Variants in EPS8L3 observed in about 807,000 individuals in gnomAD.
EPS8L3 encodes epidermal growth factor receptor kinase substrate 8-like protein 3.
Under a neutral mutation model 88.5 loss-of-function variants are expected in EPS8L3, and 80 were observed. The observed-to-expected ratio is 0.90, with a 90% CI of 0.75 to 1.09. The LOEUF (loss-of-function observed/expected upper bound fraction) is 1.09, where lower values mean the gene tolerates loss of function less well. Among genes scored for constraint, EPS8L3 ranks in the 50% least tolerant of loss-of-function variants. The probability of loss-of-function intolerance (pLI) is 0.00; values close to 1 mark genes in which losing one functional copy is unlikely to be tolerated. For missense variants in EPS8L3, 721 were observed against 735.2 expected, an observed-to-expected ratio of 0.98 and a Z score of 0.22; for synonymous variants, 286 against 291.0, an observed-to-expected ratio of 0.98 and a Z score of 0.18.
In EPS8L3 at chr1:109,751,445, A is replaced by G. The variant is rs1649784167; in HGVS notation, c.1564-94T>C. The G allele has an allele frequency of 2.8e-6, 4 of 1,412,200 alleles. No individual in the cohort carries two copies. The Admixed American group carries it at 7.4e-5, about 26-fold the overall frequency. The allele number at this position is 1,412,200 out of a possible 1,614,324, so 87.5% of individuals were successfully genotyped here. A position where few individuals can be genotyped will look rare whatever the true frequency, so the allele number is the denominator to read the frequency against. Reference sequence around the variant, plus strand: ...GGGTCCCTTCTCCAGGTTCCCATCAAATCACTTCTCTTACTCTGTGGCTTT... The same window carrying G: ...GGGTCCCTTCTCCAGGTTCCCATCAGATCACTTCTCTTACTCTGTGGCTTT... On this transcript the variant is annotated intron_variant, in intron 16 of 18. Coordinates refer to ENST00000361965, the MANE Select transcript of EPS8L3 (RefSeq NM_133181.4).
intron 12 of EPS8L3, among the ~76,000 whole-genome samples, chr1:109,753,788 C>T (rs983876867): frequency 1.3e-5 from 2 of 152,164 alleles, no homozygotes; most frequent in African/African-American, 4.8e-5. Flanking sequence ...GAATATTTTC[C>T]ACTTGTCTGC....
intron 8 of EPS8L3, 34 bp from the exon 9 acceptor site, chr1:109,758,092 C>G (rs1393894777): frequency 6.3e-7 from 1 of 1,583,200 alleles, no homozygotes; most frequent in South Asian, 1.1e-5. Context: ...CTTGAACGGG[C>G]AGTTGGGCCC....
At chr1:109,750,826 G>T (rs1364972327) in intron 17 of EPS8L3, 34 bp from the exon 18 acceptor site, 4 of 1,613,052 alleles carry the variant, frequency 2.5e-6, no homozygotes, top group Non-Finnish European at 2.5e-6. Flanking sequence ...ATCCGTGGTG[G>T]GCTGGAAGGA....
chr1:109,761,473 C>A, intron 3 of EPS8L3, 22 bp downstream of exon 3: 1 of 1,600,024 alleles, frequency 6.2e-7, no homozygotes, highest in Non-Finnish European at 8.5e-7. Flanking sequence ...GGACACTGCC[C>A]GGGGGCTGCA....
In EPS8L3 at chr1:109,758,047, G is replaced by A. The variant is rs950386262; in HGVS notation, c.729C>T (p.Asn243=). The change falls in exon 9 of 19, where the codon AAC becomes AAT. Residue 243 remains asparagine, a synonymous_variant. Transcript: ENST00000361965. Reference sequence around the variant, plus strand: ...ACAGCTCAATGTCCCTTAGGACATGGTTCAGCACTTCCTGGGCCCCAAACA... The same window carrying A: ...ACAGCTCAATGTCCCTTAGGACATGATTCAGCACTTCCTGGGCCCCAAACA... The part of the protein sequence containing the change: ...EDPERDEEVL[N]HVLRDIELFM... 25 of 1,613,856 alleles carry A rather than the reference G, an allele frequency of 1.5e-5. No individual in the cohort carries two copies. The highest frequency in any genetic ancestry group is 2.7e-5 in the African/African-American group (2 of 74,910).
At chr1:109,751,407 G>A (rs373017656) in intron 16 of EPS8L3, 56 bp from the exon 17 acceptor site, 24 of 1,548,754 alleles carry the variant, frequency 1.5e-5, no homozygotes, top group East Asian at 9.0e-5. Flanking sequence ...GCCAACCACA[G>A]CCCCTAACAT....
chr1:109,752,666 C>G lies in EPS8L3; in HGVS notation c.1235+20G>C. ...CTCCCTCCCCAGGACCACGCAGTCC[C>G]TATTAAGCTCAGAGCATACCGAAGG... On this transcript the variant is annotated intron_variant, in intron 14 of 18. Coordinates refer to ENST00000361965, the MANE Select transcript of EPS8L3 (RefSeq NM_133181.4). The G allele has an allele frequency of 6.5e-7, 1 of 1,550,204 alleles. No individual in the cohort carries two copies. The highest frequency in any genetic ancestry group is 8.7e-7 in the Non-Finnish European group (1 of 1,145,700).
At position 109,752,673 on chromosome 1, in the gene EPS8L3, G is replaced by T; in HGVS notation, c.1235+13C>A. 1 of 1,550,720 alleles carries T rather than the reference G, an allele frequency of 6.4e-7. No homozygotes were observed. The highest frequency in any genetic ancestry group is 8.7e-7 in the Non-Finnish European group (1 of 1,146,174). On this transcript the variant is annotated intron_variant, in intron 14 of 18. Transcript: ENST00000361965. ...CCCAGGACCACGCAGTCCCTATTAA[G>T]CTCAGAGCATACCGAAGGGAAACAG...
chr1:109,758,686 C>G, intron 6 of EPS8L3, 23 bp from the exon 7 acceptor site: 1 of 1,537,546 alleles, frequency 6.5e-7, no homozygotes, highest in Non-Finnish European at 8.7e-7. Context: ...TGGTAGGGGC[C>G]ACATCTTTGA....
chr1:109,755,897 A>G (rs1052075986), intron 12 of EPS8L3, among the ~76,000 whole-genome samples: 10 of 152,252 alleles, frequency 6.6e-5, no homozygotes, highest in Admixed American at 2.0e-4. Flanking sequence ...CTGCTTTTCT[A>G]AAGCCTTCTC....
rs1029674995 is a variant in EPS8L3 at position 109,759,901 on chromosome 1, G to A, written c.97-65C>T. 34 of 1,549,446 alleles carry A rather than the reference G, an allele frequency of 2.2e-5. No individual in the cohort carries two copies. The South Asian group carries it at 2.8e-4, about 13-fold the overall frequency. On this transcript the variant is annotated intron_variant, in intron 3 of 18. Coordinates refer to ENST00000361965, the MANE Select transcript of EPS8L3 (RefSeq NM_133181.4). This position sits in a 1 kb window ranked among gnomAD's most constrained non-coding sequence, Gnocchi z 4.2. ...CAGAGAGGTGGACCACAGGCGTGCT[G>A]GGTAGAGAAAAGCAGAAGAGGAAGA...
chr1:109,752,019 A>T lies in EPS8L3; in HGVS notation c.1410T>A (p.Thr470=), dbSNP rs983241211. The change falls in exon 15 of 19, where the codon ACT becomes ACA. Residue 470 remains threonine (T), a synonymous_variant. Coordinates refer to ENST00000361965, the MANE Select transcript of EPS8L3 (RefSeq NM_133181.4). ...CCTCCAGCTTCTCTCCCTGGACCAC[A>T]GTCAGTTCCCGTGGGTTCCTAGCTT... ...EFEARNPREL[T]VVQGEKLEVL... The T allele has an allele frequency of 6.2e-7, 1 of 1,611,336 alleles. No individual in the cohort carries two copies. Among genetic ancestry groups the T allele is most frequent in the Non-Finnish European group, 8.5e-7 (1 of 1,178,388 alleles).
Position 109,759,980 on chromosome 1 carries a change from A to T in EPS8L3, c.97-144T>A, listed in dbSNP as rs1156561500. ...GAGGTTCCAGGCTTCAGATAAAGCA[A>T]CTTTCCAGGGCCAATGTGAGGGACG... On this transcript the variant is annotated intron_variant, in intron 3 of 18. Coordinates refer to ENST00000361965, the MANE Select transcript of EPS8L3 (RefSeq NM_133181.4). The surrounding 1 kb of genome is among the most constrained non-coding windows in gnomAD (Gnocchi z 4.2). The T allele has an allele frequency of 4.8e-6, 4 of 829,188 alleles. No individual in the cohort carries two copies. Among genetic ancestry groups the T allele is most frequent in the Non-Finnish European group, 7.4e-6 (4 of 542,614 alleles). 51.4% of individuals were successfully genotyped at this position (829,188 alleles called of 1,614,324 possible). A position where few individuals can be genotyped will look rare whatever the true frequency, so the allele number is the denominator to read the frequency against.
At chr1:109,752,539 G>T in intron 14 of EPS8L3, 147 bp downstream of exon 14, 3 of 725,118 alleles carry the variant, frequency 4.1e-6, no homozygotes, top group East Asian at 2.7e-5. Context: ...TTCACCCAAG[G>T]TAGGAGAGGG....
intron 11 of EPS8L3, 80 bp from the exon 12 acceptor site, chr1:109,757,245 G>T: frequency 6.9e-7 from 1 of 1,456,564 alleles, no homozygotes. Flanking sequence ...AGAGTCCCTG[G>T]CTTCCCACTT....
chr1:109,758,806 C>T (rs1033332481), intron 6 of EPS8L3, 143 bp from the exon 7 acceptor site: 1 of 1,113,948 alleles, frequency 9.0e-7, no homozygotes, highest in South Asian at 1.6e-5. Flanking sequence ...CTTCTGGACC[C>T]ACCCCTGACT....
chr1:109,752,536 A>G, intron 14 of EPS8L3, 150 bp downstream of exon 14: 1 of 711,508 alleles, frequency 1.4e-6, no homozygotes, highest in South Asian at 1.8e-5. Flanking sequence ...TTTTTCACCC[A>G]AGGTAGGAGA....
In EPS8L3 at chr1:109,753,189, C is replaced by T. The variant is rs1649971580; in HGVS notation, c.1128G>A (p.Trp376Ter). The change falls in exon 13 of 19, where the codon TGG (tryptophan) becomes TGA (stop). Residue 376 changes from tryptophan (W) to a stop codon, truncating the protein, a stop_gained. Coordinates refer to ENST00000361965, the MANE Select transcript of EPS8L3 (RefSeq NM_133181.4). LOFTEE classifies it high-confidence loss of function. The stretch of plus-strand genomic sequence containing the variant: ...GGTAGGGCAGGGGCTCATCGCCTGT[C>T]CAGTCGGCCCTGAAGAGGGAAACAA... ...GPAWTTSRADWTGDEPLPYQP... is the reference protein window; with the variant it reads ...GPAWTTSRAD The T allele has an allele frequency of 6.2e-7, 1 of 1,609,774 alleles. No individual in the cohort carries two copies. Among genetic ancestry groups the T allele is most frequent in the Non-Finnish European group, 8.5e-7 (1 of 1,177,824 alleles).
At position 109,750,220 on chromosome 1, in the gene EPS8L3, C is replaced by T; in HGVS notation, c.*171G>A. 1.4e-6 allele frequency: 1 copy of T among 737,524 alleles called. No homozygotes were observed. Among genetic ancestry groups the T allele is most frequent in the Non-Finnish European group, 2.3e-6 (1 of 441,678 alleles). The allele number at this position is 737,524 out of a possible 1,614,324, so 45.7% of individuals were successfully genotyped here. A position where few individuals can be genotyped will look rare whatever the true frequency, so the allele number is the denominator to read the frequency against. On this transcript the variant is annotated 3_prime_UTR_variant, in exon 19 of 19. Transcript: ENST00000361965. ...GAGGCTCCAACACAGCCAGAAGGGACACTGTTTGCTTCAGCCTCTGGGCCT... is the reference window on the plus strand; with the variant it reads ...GAGGCTCCAACACAGCCAGAAGGGATACTGTTTGCTTCAGCCTCTGGGCCT...
Sources: allele counts gnomAD v4.1 joint callset (sites outside exome capture counted in the v4.1 genomes callset), GRCh38; gene constraint gnomAD v4.1.1; non-coding constraint Gnocchi (gnomAD v3.1); transcripts MANE v1.5; gene names NCBI Gene and HGNC (gene_info 2026-07-23, HGNC 2026-07-21).